The following DPP6 variants were observed in gnomAD, a reference collection of about 807,000 sequenced individuals.
The protein encoded by DPP6 is dipeptidyl peptidase like 6.
In DPP6, 69 loss-of-function variants were observed where a neutral mutation model predicts 122.6. The ratio of observed to expected loss-of-function variants is 0.56; its 90% CI spans 0.46 to 0.69. The LOEUF (loss-of-function observed/expected upper bound fraction) is 0.69, where lower values mean the gene tolerates loss of function less well. Ranked by LOEUF, DPP6 falls within the 30% of genes least tolerant of loss-of-function variation. The pLI is 0.00. For missense variants in DPP6, 928 were observed against 1,116.9 expected (o/e 0.83, Z 2.41); for synonymous variants, 418 against 433.1 (o/e 0.97, Z 0.43).
At position 153,948,929 on chromosome 7, in the gene DPP6, G is replaced by T. The variant is rs1802076240; in HGVS notation, c.51+61195G>T. On this transcript the variant is annotated intron_variant, in intron 1 of 25. Transcript: ENST00000404039. ...CATTACTTCAAGCAAAATTGGGAAA[G>T]AATATGAAACAAAAGACGTGTGGTC... is the stretch of plus-strand genomic sequence containing the variant. 3.3e-5 allele frequency among the ~76,000 whole-genome samples: 5 copies of T among 151,710 alleles called. No homozygotes were observed. The South Asian group carries it at 8.4e-4, about 25-fold the overall frequency.
At chr7:154,191,252 A>G (rs890954989) in intron 1 of DPP6, among the ~76,000 whole-genome samples, 1 of 152,268 alleles carries the variant, frequency 6.6e-6, no homozygotes, top group Non-Finnish European at 1.5e-5. Context: ...AAACGATTAC[A>G]TGGTCACGGG....
intron 8 of DPP6, among the ~76,000 whole-genome samples, chr7:154,736,095 A>G (rs1372614219): frequency 1.3e-5 from 2 of 152,392 alleles, no homozygotes; most frequent in Admixed American, 1.3e-4. Context: ...GATCATGGGC[A>G]GACCACTATC....
chr7:154,616,605 A>AG (rs1207239874), intron 5 of DPP6, among the ~76,000 whole-genome samples: 1 of 152,208 alleles, frequency 6.6e-6, no homozygotes, highest in African/African-American at 2.4e-5. Flanking sequence ...CGAATCCCCA[A>AG]GGGGGTCACC....
intron 1 of DPP6, among the ~76,000 whole-genome samples, chr7:153,919,049 A>T (rs1727085913): frequency 6.6e-6 from 1 of 150,886 alleles, no homozygotes; most frequent in African/African-American, 2.4e-5. Flanking sequence ...GGTACAGTGG[A>T]GTAAGAATGT....
chr7:154,141,714 T>A (rs1795856307), intron 1 of DPP6, among the ~76,000 whole-genome samples: 1 of 152,214 alleles, frequency 6.6e-6, no homozygotes, highest in South Asian at 2.1e-4. Flanking sequence ...CAGTTACAGT[T>A]GTACCTAGCA....
At chr7:153,996,742 A>T (rs1797456428) in intron 1 of DPP6, among the ~76,000 whole-genome samples, 1 of 152,074 alleles carries the variant, frequency 6.6e-6, no homozygotes, top group South Asian at 2.1e-4. Flanking sequence ...AATAGTGGTA[A>T]TTTTTACAGT....
At position 154,109,916 on chromosome 7, in the gene DPP6, G is replaced by A. The variant is rs1230608146; in HGVS notation, c.243+56853G>A. On this transcript the variant is annotated intron_variant, in intron 1 of 25. Coordinates refer to ENST00000377770, the MANE Select transcript of DPP6 (RefSeq NM_130797.4). ...CAAGGCAGTAGCCTCAGATACCTGC[G>A]GGGCCCATGCAGGGAACCCTAATTG... Among the ~76,000 whole-genome samples, 6 of 142,582 alleles carry A rather than the reference G, an allele frequency of 4.2e-5. No individual in the cohort carries two copies. The East Asian group carries it at 1.0e-3, about 24-fold the overall frequency. The allele number at this position is 142,582 out of a possible 152,430, so 93.5% of individuals were successfully genotyped here.
chr7:153,845,850 A>C, the DPP6 span, among the ~76,000 whole-genome samples: 1 of 152,124 alleles, frequency 6.6e-6, no homozygotes, highest in South Asian at 2.1e-4. Context: ...AATCATATTC[A>C]TCCCTCTCTT....
intron 1 of DPP6, among the ~76,000 whole-genome samples, chr7:153,940,920 G>A (rs1322784516): frequency 6.6e-6 from 1 of 152,220 alleles, no homozygotes; most frequent in African/African-American, 2.4e-5. Context: ...CTCCTGTAGC[G>A]AAACCTGGAA....
At chr7:154,505,315 C>T (rs1331043907) in intron 3 of DPP6, among the ~76,000 whole-genome samples, 1 of 152,166 alleles carries the variant, frequency 6.6e-6, no homozygotes, top group African/African-American at 2.4e-5. Flanking sequence ...CCACATGCCC[C>T]AAACCCATTT....
the DPP6 span, among the ~76,000 whole-genome samples, chr7:153,815,550 G>C: frequency 1.3e-5 from 2 of 150,204 alleles, no homozygotes; most frequent in Admixed American, 1.3e-4. Context: ...CCCAGAGTGT[G>C]GCGTTCCCCT....
chr7:154,027,421 T>G (rs73481319), intron 1 of DPP6, among the ~76,000 whole-genome samples: 22,533 of 152,040 alleles, frequency 0.15, 1,864 homozygotes, highest in African/African-American at 0.2. Flanking sequence ...TGGGAACATG[T>G]GGCTTCCTGA....
chr7:154,299,761 C>G (rs969308370), intron 1 of DPP6, among the ~76,000 whole-genome samples: 1 of 152,206 alleles, frequency 6.6e-6, no homozygotes, highest in Non-Finnish European at 1.5e-5. Context: ...GGGCTTTCGT[C>G]TGCACATAGT....
chr7:153,952,887 A>G (rs1802285976), intron 1 of DPP6, among the ~76,000 whole-genome samples: 1 of 152,244 alleles, frequency 6.6e-6, no homozygotes, highest in African/African-American at 2.4e-5. Context: ...AGTCAGATAC[A>G]ATTTTAAAAG....
In DPP6 at chr7:154,833,406, T is replaced by A. The variant is rs1800788027; in HGVS notation, c.1667-20374T>A. On this transcript the variant is annotated intron_variant, in intron 16 of 25. Transcript: ENST00000377770. The surrounding 1 kb of genome is among the most constrained non-coding windows in gnomAD (Gnocchi z 4.3). ...GGAGGAAAAGGCAGACAACCCCTCA[T>A]CGAGAAGGAGCAAGAAGTGACTTCT... Among the ~76,000 whole-genome samples, 1 of 152,196 alleles carries A rather than the reference T, an allele frequency of 6.6e-6. No individual in the cohort carries two copies. The highest frequency in any genetic ancestry group is 6.5e-5 in the Admixed American group (1 of 15,284).
At chr7:154,337,760 T>G (rs747114882) in intron 1 of DPP6, among the ~76,000 whole-genome samples, 1 of 152,170 alleles carries the variant, frequency 6.6e-6, no homozygotes, top group Non-Finnish European at 1.5e-5. Flanking sequence ...AGTTTGCACT[T>G]TGATGAGAAT....
chr7:154,526,586 G>A lies in DPP6; in HGVS notation c.458-13946G>A, dbSNP rs185821018. Among the ~76,000 whole-genome samples the A allele has an allele frequency of 1.2e-3, 185 of 152,206 alleles. 2 individuals carry two copies. Among genetic ancestry groups the A allele is most frequent in the Admixed American group, 9.9e-3 (152 of 15,292 alleles). On this transcript the variant is annotated intron_variant, in intron 3 of 25. Transcript: ENST00000377770. ...ATTTTAATTAATTTTAATATTAATG[G>A]AAACATGTGGCTAGAGGCTACATAT...
chr7:153,835,885 G>A, the DPP6 span, among the ~76,000 whole-genome samples: 20 of 152,170 alleles, frequency 1.3e-4, no homozygotes, highest in Non-Finnish European at 2.6e-4. Context: ...AACAGTCCAG[G>A]GGGTGGAATT....
At chr7:154,501,944 G>A (rs11983653) in intron 3 of DPP6, among the ~76,000 whole-genome samples, 2,150 of 151,634 alleles carry the variant, frequency 0.014, 67 homozygotes, top group African/African-American at 0.049. Context: ...AGAGCCACAG[G>A]AGTGGAGCTG....
Sources: allele counts gnomAD v4.1 joint callset (sites outside exome capture counted in the v4.1 genomes callset), GRCh38; gene constraint gnomAD v4.1.1; non-coding constraint Gnocchi (gnomAD v3.1); transcripts MANE v1.5; gene names NCBI Gene and HGNC (gene_info 2026-07-23, HGNC 2026-07-21).